Variants in RBFOX1 observed in about 807,000 individuals in gnomAD.
RBFOX1 encodes the protein RNA binding fox-1 homolog 1, also known as RNA binding protein fox-1 homolog 1.
A neutral mutation model predicts 57.7 loss-of-function variants in RBFOX1; 8 were observed. The ratio of observed to expected loss-of-function variants is 0.14; its 90% CI spans 0.08 to 0.25. RBFOX1 has a LOEUF of 0.25. Among genes scored for constraint, RBFOX1 ranks in the 10% least tolerant of loss-of-function variants. RBFOX1 has a pLI of 1.00. For missense variants in RBFOX1, 611 were observed against 548.5 expected, an observed-to-expected ratio of 1.11 and a Z score of -1.14; for synonymous variants, 326 against 222.4, an observed-to-expected ratio of 1.47 and a Z score of -4.15.
At chr16:6,849,676 C>G (rs1230917817) in intron 3 of RBFOX1, among the ~76,000 whole-genome samples, 1 of 151,790 alleles carries the variant, frequency 6.6e-6, no homozygotes, top group African/African-American at 2.4e-5. Flanking sequence ...CTCAAAAAAA[C>G]AAAACAAAAT....
At position 7,080,042 on chromosome 16, in the gene RBFOX1, G is replaced by GTATA. The variant is rs35162308; in HGVS notation, c.27+27953_27+27956dup. Among the ~76,000 whole-genome samples the GTATA allele has an allele frequency of 1.5e-3, 215 of 142,064 alleles. 5 individuals carry two copies. The East Asian group carries it at 0.034, about 22-fold the overall frequency. The allele number at this position is 142,064 out of a possible 152,430, so 93.2% of individuals were successfully genotyped here. The stretch of plus-strand genomic sequence containing the variant: ...TATATACGTATATATGTATATAGAT[G>GTATA]TATATATATATACATATTATATATA... On this transcript the variant is annotated intron_variant, in intron 4 of 15. Coordinates refer to ENST00000550418, the MANE Select transcript of RBFOX1 (RefSeq NM_018723.4).
chr16:5,400,157 T>A (rs2066674283), intron 1 of RBFOX1, among the ~76,000 whole-genome samples: 1 of 151,964 alleles, frequency 6.6e-6, no homozygotes, highest in Non-Finnish European at 1.5e-5. Flanking sequence ...TGGAGTGCAG[T>A]CTTGGCTCAC....
chr16:5,662,836 C>A (rs2049701870), intron 3 of RBFOX1, among the ~76,000 whole-genome samples: 1 of 152,146 alleles, frequency 6.6e-6, no homozygotes, highest in African/African-American at 2.4e-5. Flanking sequence ...GCTTCAGTTT[C>A]CTTATCTGCA....
intron 3 of RBFOX1, among the ~76,000 whole-genome samples, chr16:5,669,864 C>A (rs998842777): frequency 1.3e-5 from 2 of 152,146 alleles, no homozygotes; most frequent in African/African-American, 2.4e-5. Flanking sequence ...ATGTATATGT[C>A]CACAAAAGAT....
chr16:7,222,728 C>G (rs1453352717), intron 4 of RBFOX1, among the ~76,000 whole-genome samples: 1 of 152,178 alleles, frequency 6.6e-6, no homozygotes. Context: ...CAATGCCTGA[C>G]ACACATATGT....
intron 3 of RBFOX1, among the ~76,000 whole-genome samples, chr16:6,922,870 G>T (rs1168926391): frequency 6.6e-6 from 1 of 152,126 alleles, no homozygotes; most frequent in Non-Finnish European, 1.5e-5. Flanking sequence ...CCATTTCTAG[G>T]TGTACCTTGG....
At chr16:6,782,717 A>G (rs781173595) in intron 3 of RBFOX1, among the ~76,000 whole-genome samples, 2 of 152,182 alleles carry the variant, frequency 1.3e-5, no homozygotes, top group Admixed American at 1.3e-4. Context: ...ATCGAATGAA[A>G]TGTTTTGTAA....
intron 4 of RBFOX1, among the ~76,000 whole-genome samples, chr16:7,484,352 G>A (rs535475920): frequency 6.6e-6 from 1 of 152,330 alleles, no homozygotes; most frequent in East Asian, 1.9e-4. Context: ...ATCCTTCAAA[G>A]TAGAAATGCT....
chr16:7,364,308 C>G (rs2097392884), intron 4 of RBFOX1, among the ~76,000 whole-genome samples: 2 of 151,986 alleles, frequency 1.3e-5, no homozygotes, highest in Admixed American at 6.6e-5. Context: ...CTTGCAGTTA[C>G]TATGGAGAAA....
chr16:7,484,373 G>A (rs1427460382), intron 4 of RBFOX1, among the ~76,000 whole-genome samples: 1 of 152,160 alleles, frequency 6.6e-6, no homozygotes, highest in Non-Finnish European at 1.5e-5. Flanking sequence ...GGGAGACATG[G>A]TAAGTTCAGA....
chr16:6,414,380 C>G (rs1041710103), intron 2 of RBFOX1, among the ~76,000 whole-genome samples: 15 of 152,268 alleles, frequency 9.9e-5, no homozygotes, highest in African/African-American at 3.4e-4. Context: ...GCATGTATTT[C>G]CCGGGCACCT....
intron 4 of RBFOX1, among the ~76,000 whole-genome samples, chr16:7,301,112 C>A (rs190438226): frequency 1.9e-4 from 29 of 152,074 alleles, no homozygotes; most frequent in African/African-American, 6.0e-4. Flanking sequence ...TCCCCAGATG[C>A]GGTTTAAAAG....
At chr16:6,257,623 G>C (rs1440186217) in intron 1 of RBFOX1, among the ~76,000 whole-genome samples, 1 of 151,960 alleles carries the variant, frequency 6.6e-6, no homozygotes, top group Non-Finnish European at 1.5e-5. Flanking sequence ...CCTTCTATGT[G>C]TCCATGTGTT....
At chr16:6,809,008 C>G (rs749642880) in intron 3 of RBFOX1, among the ~76,000 whole-genome samples, 4 of 152,152 alleles carry the variant, frequency 2.6e-5, no homozygotes, top group Non-Finnish European at 5.9e-5. Context: ...AGACTGAAAA[C>G]CTGACTTAGG....
chr16:5,834,605 G>GATAT (rs56841063), intron 3 of RBFOX1, among the ~76,000 whole-genome samples: 3,899 of 151,692 alleles, frequency 0.026, 159 homozygotes, highest in African/African-American at 0.087. Flanking sequence ...TAGATAGATA[G>GATAT]ATAGATAGAT....
chr16:6,306,144 G>T (rs564329925), intron 1 of RBFOX1, among the ~76,000 whole-genome samples: 2 of 152,282 alleles, frequency 1.3e-5, no homozygotes, highest in East Asian at 3.9e-4. Flanking sequence ...CATTCAGCCT[G>T]GTGGGAGAGA....
chr16:7,434,715 C>G (rs530057513), intron 4 of RBFOX1, among the ~76,000 whole-genome samples: 3 of 149,358 alleles, frequency 2.0e-5, no homozygotes, highest in Non-Finnish European at 4.5e-5. Context: ...TACCCAGCGT[C>G]TAGTTTGCCC....
intron 3 of RBFOX1, among the ~76,000 whole-genome samples, chr16:6,969,318 G>C (rs1000065950): frequency 6.6e-6 from 1 of 152,176 alleles, no homozygotes; most frequent in Non-Finnish European, 1.5e-5. Flanking sequence ...TGCGGGGTCA[G>C]GATTAGGGTG....
chr16:6,498,206 T>A (rs2095824909), intron 2 of RBFOX1, among the ~76,000 whole-genome samples: 1 of 149,196 alleles, frequency 6.7e-6, no homozygotes, highest in Non-Finnish European at 1.5e-5. Flanking sequence ...GAGCCAAGAT[T>A]GTGCCACTGC....
Sources: gnomAD v4.1 joint callset for allele counts (sites outside exome capture counted in the v4.1 genomes callset) on GRCh38, gnomAD v4.1.1 for gene constraint, MANE v1.5 for transcripts, NCBI Gene and HGNC (gene_info 2026-07-23, HGNC 2026-07-21) for gene names.